The following PIK3CD variants were observed in gnomAD, a reference collection of about 807,000 sequenced individuals.
PIK3CD encodes phosphatidylinositol-4,5-bisphosphate 3-kinase catalytic subunit delta.
Under a neutral mutation model 122.9 loss-of-function variants are expected in PIK3CD, and 20 were observed. The ratio of observed to expected loss-of-function variants is 0.16; its 90% CI spans 0.11 to 0.24. The LOEUF (loss-of-function observed/expected upper bound fraction) is 0.24, where lower values mean the gene tolerates loss of function less well. Ranked by LOEUF, PIK3CD falls within the 10% of genes least tolerant of loss-of-function variation. The probability of loss-of-function intolerance (pLI) is 1.00; values close to 1 mark genes in which losing one functional copy is unlikely to be tolerated. For missense variants in PIK3CD, 787 were observed against 1,406.3 expected, an observed-to-expected ratio of 0.56 and a Z score of 7.04; for synonymous variants, 596 against 593.4, an observed-to-expected ratio of 1.00 and a Z score of -0.06.
At chr1:9,638,358 C>T in the PIK3CD span, among the ~76,000 whole-genome samples, 1 of 152,022 alleles carries the variant, frequency 6.6e-6, no homozygotes, top group African/African-American at 2.4e-5. Flanking sequence ...ACTCCCTGTG[C>T]ACTCATGCCT....
the PIK3CD span, among the ~76,000 whole-genome samples, chr1:9,645,500 C>T: frequency 6.6e-6 from 1 of 151,788 alleles, no homozygotes. Context: ...CTCTTGTTGC[C>T]CAGGCTGGAG....
At chr1:9,695,836 T>C (rs1021543074) in intron 2 of PIK3CD, among the ~76,000 whole-genome samples, 5 of 132,388 alleles carry the variant, frequency 3.8e-5, no homozygotes, top group African/African-American at 1.4e-4. Flanking sequence ...AGAGCGAGAC[T>C]CAGTCTCAAA....
At chr1:9,638,066 C>A in the PIK3CD span, among the ~76,000 whole-genome samples, 1 of 151,844 alleles carries the variant, frequency 6.6e-6, no homozygotes, top group Admixed American at 6.6e-5. Flanking sequence ...GAGACTGCGC[C>A]ATTGTACTCC....
Position 9,722,019 on chromosome 1 carries a change from G to A in PIK3CD, c.2100G>A (p.Lys700=), listed in dbSNP as rs1000657997. 6.8e-6 allele frequency: 11 copies of A among 1,613,628 alleles called. No individual in the cohort carries two copies. The Admixed American group carries it at 1.5e-4, about 22-fold the overall frequency. ...SKLKALNDFV[K]LSSQKTPKPQ... Reference sequence around the variant, plus strand: ...TGAAGGCCCTGAATGACTTCGTCAAGCTGAGCTCTCAGAAGACCCCCAAGC... The same window carrying A: ...TGAAGGCCCTGAATGACTTCGTCAAACTGAGCTCTCAGAAGACCCCCAAGC... Residue 700 remains lysine, a synonymous_variant, in exon 17 of 24, where the codon AAG becomes AAA. Coordinates refer to ENST00000377346, the MANE Select transcript of PIK3CD (RefSeq NM_005026.5). The surrounding 1 kb of genome is among the most constrained non-coding windows in gnomAD (Gnocchi z 7.6).
At chr1:9,643,035 C>A in the PIK3CD span, among the ~76,000 whole-genome samples, 1 of 149,222 alleles carries the variant, frequency 6.7e-6, no homozygotes, top group Admixed American at 6.7e-5. Flanking sequence ...GCCATGGTTA[C>A]ACCACTGCAC....
intron 1 of PIK3CD, among the ~76,000 whole-genome samples, chr1:9,670,703 T>G (rs1270386892): frequency 6.6e-6 from 1 of 152,224 alleles, no homozygotes; most frequent in African/African-American, 2.4e-5. Flanking sequence ...TACCATTGGA[T>G]GAATGAATCT....
chr1:9,701,229 C>T (rs907534669), intron 2 of PIK3CD, among the ~76,000 whole-genome samples: 60 of 152,272 alleles, frequency 3.9e-4, no homozygotes, highest in African/African-American at 1.4e-3. Flanking sequence ...CCACCACCCC[C>T]TGCTCCAGCT....
intron 3 of PIK3CD, among the ~76,000 whole-genome samples, chr1:9,713,184 CA>C (rs1411096374): frequency 2.0e-5 from 3 of 150,482 alleles, no homozygotes; most frequent in Non-Finnish European, 3.0e-5. Flanking sequence ...AACTCTGTCT[CA>C]AAAAAAAATC....
At chr1:9,725,362 T>A (rs1441952577) in intron 23 of PIK3CD, among the ~76,000 whole-genome samples, 1 of 151,672 alleles carries the variant, frequency 6.6e-6, no homozygotes, top group African/African-American at 2.4e-5. Flanking sequence ...AACACCAGCC[T>A]GACCAACATG....
At chr1:9,695,805 G>A (rs1646390945) in intron 2 of PIK3CD, among the ~76,000 whole-genome samples, 2 of 148,814 alleles carry the variant, frequency 1.3e-5, no homozygotes, top group African/African-American at 5.0e-5. Flanking sequence ...TTGTGCCACT[G>A]CACTCTCCAG....
rs181181196 is a variant in PIK3CD at position 9,673,193 on chromosome 1, G to A, written c.-137-18274G>A. Among the ~76,000 whole-genome samples the A allele has an allele frequency of 1.0e-3, 157 of 151,510 alleles. 2 individuals are homozygous for A. The highest frequency in any genetic ancestry group is 1.7e-3 in the Admixed American group (26 of 15,146). On this transcript the variant is annotated intron_variant, in intron 1 of 23. Transcript: ENST00000377346. ...GGTTTTCTGCAGCCTTGACCTCCTG[G>A]GCTTAACCCATCTTCCTGCCTCAGC... is the stretch of plus-strand genomic sequence containing the variant.
Position 9,666,866 on chromosome 1 carries a change from A to ATTT in PIK3CD, c.-138+15077_-138+15079dup, listed in dbSNP as rs57178903. On this transcript the variant is annotated intron_variant, in intron 1 of 23. Transcript: ENST00000377346. ...ACAGGCTTGCGCCACCATGCCTGCT[A>ATTT]TTTTTTTTTTTTTTTCAGAGATGGA... Among the ~76,000 whole-genome samples, 973 of 111,812 alleles carry ATTT rather than the reference A, an allele frequency of 8.7e-3. 30 individuals are homozygous for ATTT. Among genetic ancestry groups the ATTT allele is most frequent in the Admixed American group, 0.054 (584 of 10,732 alleles). The allele number at this position is 111,812 out of a possible 152,430, so 73.4% of individuals were successfully genotyped here.
At chr1:9,688,718 C>T (rs1646068882) in intron 1 of PIK3CD, among the ~76,000 whole-genome samples, 3 of 152,114 alleles carry the variant, frequency 2.0e-5, no homozygotes, top group African/African-American at 7.2e-5. Context: ...GTCTCAGCTA[C>T]ACGGGAGGCT....
At chr1:9,699,808 G>C (rs1049669257) in intron 2 of PIK3CD, among the ~76,000 whole-genome samples, 2 of 152,168 alleles carry the variant, frequency 1.3e-5, no homozygotes, top group African/African-American at 4.8e-5. Context: ...GGCCAGGCTG[G>C]TCTTGAACTC....
Position 9,715,424 on chromosome 1 carries a change from C to CA in PIK3CD, c.142-117_142-116insA. ...AGAGTGCAGATCTTGGGGTCTGCCT[C>CA]TGCCCTCTGGGAGGTTTGGACCCCC... On this transcript the variant is annotated intron_variant, in intron 3 of 23. Transcript: ENST00000377346. This position sits in a 1 kb window ranked among gnomAD's most constrained non-coding sequence, Gnocchi z 4.1. 1.2e-6 allele frequency: 1 copy of CA among 817,208 alleles called. No individual in the cohort carries two copies. The allele number at this position is 817,208 out of a possible 1,614,324, so 50.6% of individuals were successfully genotyped here. A position where few individuals can be genotyped will look rare whatever the true frequency, so the allele number is the denominator to read the frequency against.
At chr1:9,701,004 C>T (rs1311365841) in intron 2 of PIK3CD, among the ~76,000 whole-genome samples, 2 of 152,142 alleles carry the variant, frequency 1.3e-5, no homozygotes, top group African/African-American at 4.8e-5. Context: ...CCCCCTACTC[C>T]CCTTCCTCCC....
rs111954903 is a variant in PIK3CD at position 9,717,875 on chromosome 1, G to A, written c.1020+249G>A. Among the ~76,000 whole-genome samples, 2 of 152,316 alleles carry A rather than the reference G, an allele frequency of 1.3e-5. No individual in the cohort carries two copies. Among genetic ancestry groups the A allele is most frequent in the African/African-American group, 4.8e-5 (2 of 41,570 alleles). On this transcript the variant is annotated intron_variant, in intron 8 of 23. Transcript: ENST00000377346. The surrounding 1 kb of genome is among the most constrained non-coding windows in gnomAD (Gnocchi z 5.4). ...AGCGTTCTGGGTATTTGACTTTGGTGGAGGTTATGGGGCCAGGTTCAGCCC... is the reference window on the plus strand; with the variant it reads ...AGCGTTCTGGGTATTTGACTTTGGTAGAGGTTATGGGGCCAGGTTCAGCCC...
chr1:9,671,465 G>A (rs1310570186), intron 1 of PIK3CD, among the ~76,000 whole-genome samples: 1 of 152,126 alleles, frequency 6.6e-6, no homozygotes, highest in Non-Finnish European at 1.5e-5. Context: ...AAGTAGCTGG[G>A]ACTATGGGTG....
rs1018139955 is a variant in PIK3CD at position 9,689,878 on chromosome 1, G to T, written c.-137-1589G>T. 1.3e-5 allele frequency among the ~76,000 whole-genome samples: 2 copies of T among 151,866 alleles called. No homozygotes were observed. The highest frequency in any genetic ancestry group is 2.9e-5 in the Non-Finnish European group (2 of 67,886). On this transcript the variant is annotated intron_variant, in intron 1 of 23. Coordinates refer to ENST00000377346, the MANE Select transcript of PIK3CD (RefSeq NM_005026.5). This position sits in a 1 kb window ranked among gnomAD's most constrained non-coding sequence, Gnocchi z 6.1. Reference sequence around the variant, plus strand: ...CAGGGGTCCGGGGCCGTGGGGGCTTGGGGGGCCGAGGCAGGGGGTTGCGTT... The same window carrying T: ...CAGGGGTCCGGGGCCGTGGGGGCTTTGGGGGCCGAGGCAGGGGGTTGCGTT...
Sources: allele counts gnomAD v4.1 joint callset (sites outside exome capture counted in the v4.1 genomes callset), GRCh38; gene constraint gnomAD v4.1.1; non-coding constraint Gnocchi (gnomAD v3.1); transcripts MANE v1.5; gene names NCBI Gene and HGNC (gene_info 2026-07-23, HGNC 2026-07-21).